The following YAP1 variants were observed in gnomAD, a reference collection of about 807,000 sequenced individuals.
YAP1 encodes the protein transcriptional coactivator YAP1.
YAP1 carries 5 observed loss-of-function variants against 56.9 expected under a neutral mutation model. The observed-to-expected ratio is 0.09, with a 90% CI of 0.05 to 0.18. The LOEUF is 0.18. YAP1 is among the 10% of genes least tolerant of loss of function. The pLI is 1.00. For synonymous variants in YAP1, 265 were observed against 248.1 expected (o/e 1.07, Z -0.64); for missense variants, 539 against 651.8 (o/e 0.83, Z 1.88).
intron 3 of YAP1, among the ~76,000 whole-genome samples, chr11:102,172,171 T>G (rs1229734867): frequency 7.2e-6 from 1 of 139,658 alleles, no homozygotes; most frequent in Non-Finnish European, 1.5e-5. Context: ...CCAGCCTGGG[T>G]GACAAGAGCA....
At chr11:102,181,463 T>TAAATA (rs751763876) in intron 3 of YAP1, among the ~76,000 whole-genome samples, 1 of 151,718 alleles carries the variant, frequency 6.6e-6, no homozygotes, top group Non-Finnish European at 1.5e-5. Context: ...AATAAATAAA[T>TAAATA]AAATAAAATA....
At chr11:102,124,021 G>A (rs934158160) in intron 2 of YAP1, among the ~76,000 whole-genome samples, 7 of 150,658 alleles carry the variant, frequency 4.6e-5, no homozygotes, top group African/African-American at 1.7e-4. Context: ...GTGTGATCTC[G>A]GCTCATCGCA....
chr11:102,149,977 C>CTTTTTTT (rs386374692), intron 2 of YAP1, among the ~76,000 whole-genome samples: 4 of 50,336 alleles, frequency 7.9e-5, no homozygotes, highest in Non-Finnish European at 1.1e-4. Context: ...GAGTAGTGTG[C>CTTTTTTT]TTTTTTTTTT....
At chr11:102,138,421 C>A (rs1944809938) in intron 2 of YAP1, among the ~76,000 whole-genome samples, 1 of 152,150 alleles carries the variant, frequency 6.6e-6, no homozygotes, top group Non-Finnish European at 1.5e-5. Flanking sequence ...CTGGGCCTTT[C>A]TTTTCACGTT....
chr11:102,196,839 T>C (rs1241606540), intron 4 of YAP1, among the ~76,000 whole-genome samples: 1 of 152,188 alleles, frequency 6.6e-6, no homozygotes, highest in East Asian at 1.9e-4. Flanking sequence ...TAAAAAGATG[T>C]ATTCAGTCAT....
intron 4 of YAP1, among the ~76,000 whole-genome samples, chr11:102,195,738 C>T (rs1473043941): frequency 6.6e-6 from 1 of 152,188 alleles, no homozygotes; most frequent in African/African-American, 2.4e-5. Context: ...CTGAGACCTC[C>T]CCAGCCATGC....
rs747080969 is a variant in YAP1 at position 102,111,010 on chromosome 11, C to T, written c.162C>T (p.Ile54=). The T allele has an allele frequency of 6.9e-6, 11 of 1,593,932 alleles. No individual in the cohort carries two copies. Among genetic ancestry groups the T allele is most frequent in the African/African-American group, 4.1e-5 (3 of 73,270 alleles). The change falls in exon 1 of 9, where the codon ATC becomes ATT. Residue 54 remains isoleucine (I), a synonymous_variant. Coordinates refer to ENST00000282441, the MANE Select transcript of YAP1 (RefSeq NM_001130145.3). ...APQAPPAGHQ[I]VHVRGDSETD... ...AGGCACCCCCCGCCGGGCATCAGATCGTGCACGTCCGCGGGGACTCGGAGA... is the reference window on the plus strand; with the variant it reads ...AGGCACCCCCCGCCGGGCATCAGATTGTGCACGTCCGCGGGGACTCGGAGA...
rs1351118643 is a variant in YAP1 at position 102,232,842 on chromosome 11, C to G, written c.*2902C>G. On this transcript the variant is annotated 3_prime_UTR_variant, in exon 9 of 9. Transcript: ENST00000282441. ...TTGGAGTTTCAGATCTTCCAAAGCA[C>G]TATTTGTTGTAATAACTTTTCTAAA... The G allele has an allele frequency of 1.3e-5, 2 of 152,582 alleles. No individual in the cohort carries two copies. The highest frequency in any genetic ancestry group is 6.5e-5 in the Admixed American group (1 of 15,280). 9.5% of individuals were successfully genotyped at this position (152,582 alleles called of 1,614,324 possible).
chr11:102,181,251 C>A (rs1370731930), intron 3 of YAP1, among the ~76,000 whole-genome samples: 1 of 151,934 alleles, frequency 6.6e-6, no homozygotes, highest in Non-Finnish European at 1.5e-5. Context: ...CGCGACAATC[C>A]TGGCTAACAC....
intron 6 of YAP1, among the ~76,000 whole-genome samples, chr11:102,222,971 G>A (rs370206189): frequency 3.3e-5 from 5 of 151,962 alleles, no homozygotes; most frequent in Non-Finnish European, 5.9e-5. Context: ...AGGGCCGGGC[G>A]CGGTGGCTCA....
rs142167026 is a variant in YAP1, at chr11:102,135,816, A to G, written c.572+21422A>G. Among the ~76,000 whole-genome samples, 11 of 152,368 alleles carry G rather than the reference A, an allele frequency of 7.2e-5. No individual in the cohort carries two copies. The East Asian group carries it at 2.1e-3, about 29-fold the overall frequency. ...TAAAATTTTATATAAATGAAGTGAT[A>G]TCTGCAAATATTTTTGCAGTTTGCA... On this transcript the variant is annotated intron_variant, in intron 2 of 8. Coordinates refer to ENST00000282441, the MANE Select transcript of YAP1 (RefSeq NM_001130145.3).
At chr11:102,215,767 C>T (rs1949630542) in intron 6 of YAP1, among the ~76,000 whole-genome samples, 1 of 152,194 alleles carries the variant, frequency 6.6e-6, no homozygotes, top group African/African-American at 2.4e-5. Context: ...TCATGAGCCA[C>T]TGCGCCTGGC....
rs189694473 is a variant in YAP1 at position 102,181,283 on chromosome 11, A to G, written c.689-4735A>G. ...ACACGGTGAAACCCCGTCTCTACTA[A>G]AAATACAAAAAAATTAGCCGAGCGT... On this transcript the variant is annotated intron_variant, in intron 3 of 8. Coordinates refer to ENST00000282441, the MANE Select transcript of YAP1 (RefSeq NM_001130145.3). Among the ~76,000 whole-genome samples, 1,220 of 150,682 alleles carry G rather than the reference A, an allele frequency of 8.1e-3. 20 individuals carry two copies. Among genetic ancestry groups the G allele is most frequent in the African/African-American group, 0.029 (1,172 of 40,924 alleles).
chr11:102,228,388 A>G (rs1950297078), intron 8 of YAP1, among the ~76,000 whole-genome samples: 1 of 152,004 alleles, frequency 6.6e-6, no homozygotes, highest in South Asian at 2.1e-4. Context: ...TAATCCCAGC[A>G]CTTTGGGAGG....
At chr11:102,211,275 A>C (rs1486128722) in intron 6 of YAP1, among the ~76,000 whole-genome samples, 2 of 152,184 alleles carry the variant, frequency 1.3e-5, no homozygotes, top group Non-Finnish European at 2.9e-5. Flanking sequence ...AGAAAAGTAA[A>C]TCTTTACTGT....
At chr11:102,181,642 CT>C (rs2135488182) in intron 3 of YAP1, among the ~76,000 whole-genome samples, 1 of 152,214 alleles carries the variant, frequency 6.6e-6, no homozygotes, top group African/African-American at 2.4e-5. Context: ...CTTGTGGTGC[CT>C]GTTTTGTCAT....
chr11:102,220,686 G>C (rs141328535), intron 6 of YAP1, among the ~76,000 whole-genome samples: 1 of 152,264 alleles, frequency 6.6e-6, no homozygotes, highest in African/African-American at 2.4e-5. Context: ...AGGGCTGGTA[G>C]AGTGGACATG....
chr11:102,112,913 G>A (rs1166212750), intron 1 of YAP1, among the ~76,000 whole-genome samples: 1 of 152,154 alleles, frequency 6.6e-6, no homozygotes, highest in South Asian at 2.1e-4. Context: ...ACTGGGAAGT[G>A]TACTTTTTCT....
intron 4 of YAP1, among the ~76,000 whole-genome samples, chr11:102,189,452 T>G (rs1948161439): frequency 6.6e-6 from 1 of 152,234 alleles, no homozygotes. Context: ...CAATCTGTGT[T>G]TTAGGAAATA....
Sources: allele counts gnomAD v4.1 joint callset (sites outside exome capture counted in the v4.1 genomes callset), GRCh38; gene constraint gnomAD v4.1.1; transcripts MANE v1.5; gene names NCBI Gene and HGNC (gene_info 2026-07-23, HGNC 2026-07-21).